The following GRIN3A variants were observed in gnomAD, a reference collection of about 807,000 sequenced individuals.
The protein encoded by GRIN3A is glutamate ionotropic receptor NMDA type subunit 3A, also known as glutamate receptor ionotropic, NMDA 3A.
Under a neutral mutation model 92.4 loss-of-function variants are expected in GRIN3A, and 47 were observed. That is an observed-to-expected ratio of 0.51 (90% CI 0.40 to 0.65). The LOEUF is 0.65. Ranked by LOEUF, GRIN3A falls within the 30% of genes least tolerant of loss-of-function variation. GRIN3A has a pLI of 0.00. For missense variants in GRIN3A, 1,324 were observed against 1,393.1 expected (o/e 0.95, Z 0.79); for synonymous variants, 527 against 540.6 (o/e 0.97, Z 0.35).
rs939236493 is a variant in GRIN3A at position 101,572,233 on chromosome 9, G to T, written c.*941C>A. 1.3e-5 allele frequency: 2 copies of T among 152,626 alleles called. No individual in the cohort carries two copies. Among genetic ancestry groups the T allele is most frequent in the Non-Finnish European group, 2.9e-5 (2 of 68,072 alleles). 9.5% of individuals were successfully genotyped at this position (152,626 alleles called of 1,614,324 possible). A position where few individuals can be genotyped will look rare whatever the true frequency, so the allele number is the denominator to read the frequency against. On this transcript the variant is annotated 3_prime_UTR_variant, in exon 9 of 9. Transcript: ENST00000361820. ...CTGATCTGAAAATGGCCTAGTGTGT[G>T]GTGTGTAGAACATTTCACCCACAGT...
chr9:101,650,212 A>G (rs969794970), intron 3 of GRIN3A, among the ~76,000 whole-genome samples: 2 of 151,952 alleles, frequency 1.3e-5, no homozygotes, highest in African/African-American at 4.8e-5. Flanking sequence ...AACTCTAGAG[A>G]TTAAGTAGGT....
chr9:101,583,778 C>T (rs565419812), intron 6 of GRIN3A, among the ~76,000 whole-genome samples: 1 of 152,260 alleles, frequency 6.6e-6, no homozygotes, highest in Admixed American at 6.5e-5. Flanking sequence ...GCTTCAGCTG[C>T]AGCTTCATTT....
intron 1 of GRIN3A, among the ~76,000 whole-genome samples, chr9:101,691,497 G>A (rs888850584): frequency 3.3e-5 from 5 of 152,094 alleles, no homozygotes; most frequent in African/African-American, 9.7e-5. Flanking sequence ...AGAAAAAAAC[G>A]AGATGTATTT....
chr9:101,587,950 G>T (rs1263988082), intron 6 of GRIN3A, among the ~76,000 whole-genome samples: 1 of 152,094 alleles, frequency 6.6e-6, no homozygotes, highest in African/African-American at 2.4e-5. Context: ...ATTGCCTCCT[G>T]ATTATTTTGC....
In GRIN3A at chr9:101,635,275, G is replaced by T. The variant is rs565136497; in HGVS notation, c.2353-6874C>A. On this transcript the variant is annotated intron_variant, in intron 3 of 8. Coordinates refer to ENST00000361820, the MANE Select transcript of GRIN3A (RefSeq NM_133445.3). Reference sequence around the variant, plus strand: ...GAGGTCAGCAAATTACGGTCTATGGGCCAAATCTAGCCTGCTACCAGTTTT... The same window carrying T: ...GAGGTCAGCAAATTACGGTCTATGGTCCAAATCTAGCCTGCTACCAGTTTT... Among the ~76,000 whole-genome samples, 19 of 152,264 alleles carry T rather than the reference G, an allele frequency of 1.2e-4. No homozygotes were observed. The South Asian group carries it at 3.9e-3, about 32-fold the overall frequency.
At chr9:101,588,294 A>G (rs1296817894) in intron 6 of GRIN3A, among the ~76,000 whole-genome samples, 1 of 152,248 alleles carries the variant, frequency 6.6e-6, no homozygotes, top group African/African-American at 2.4e-5. Context: ...GAGATAATTT[A>G]TTAACACAAA....
At chr9:101,604,837 A>G (rs1237580120) in intron 6 of GRIN3A, among the ~76,000 whole-genome samples, 2 of 152,356 alleles carry the variant, frequency 1.3e-5, no homozygotes, top group South Asian at 4.1e-4. Flanking sequence ...GACTTGTGGG[A>G]TTCCCTTTGG....
At chr9:101,639,389 C>T (rs1278728761) in intron 3 of GRIN3A, among the ~76,000 whole-genome samples, 2 of 151,854 alleles carry the variant, frequency 1.3e-5, no homozygotes, top group Non-Finnish European at 2.9e-5. Context: ...ATCAGAATAA[C>T]CCCGGCTTTT....
rs556800246 is a variant in GRIN3A at position 101,654,771 on chromosome 9, G to A, written c.2352+15289C>T. Among the ~76,000 whole-genome samples, 3 of 151,908 alleles carry A rather than the reference G, an allele frequency of 2.0e-5. No individual in the cohort carries two copies. The South Asian group carries it at 6.2e-4, about 31-fold the overall frequency. ...ATCAAGCCCAGTTTGCCAGGTTTCT[G>A]TTAATATATTTGGGATAATATTCCA... On this transcript the variant is annotated intron_variant, in intron 3 of 8. Transcript: ENST00000361820.
chr9:101,640,764 G>C (rs1236127241), intron 3 of GRIN3A, among the ~76,000 whole-genome samples: 1 of 152,118 alleles, frequency 6.6e-6, no homozygotes, highest in Non-Finnish European at 1.5e-5. Flanking sequence ...TAAAGAGGAG[G>C]TTCCCTGCAC....
At chr9:101,609,444 A>G (rs1828329795) in intron 6 of GRIN3A, among the ~76,000 whole-genome samples, 1 of 152,238 alleles carries the variant, frequency 6.6e-6, no homozygotes. Context: ...ATAGATGAGG[A>G]GACTCAGACG....
At chr9:101,645,294 C>T (rs1042339363) in intron 3 of GRIN3A, among the ~76,000 whole-genome samples, 12 of 151,754 alleles carry the variant, frequency 7.9e-5, no homozygotes, top group African/African-American at 2.9e-4. Flanking sequence ...AAACTAATGA[C>T]CTCCAGTTCC....
chr9:101,607,538 G>A lies in GRIN3A; in HGVS notation c.2766+5838C>T, dbSNP rs79392253. On this transcript the variant is annotated intron_variant, in intron 6 of 8. Transcript: ENST00000361820. ...ACCCGGTTCTTCCACACTGTGCCTTGCACTCCACCCCGTGAGCAGGGAGAA... is the reference window on the plus strand; with the variant it reads ...ACCCGGTTCTTCCACACTGTGCCTTACACTCCACCCCGTGAGCAGGGAGAA... Among the ~76,000 whole-genome samples the A allele has an allele frequency of 5.4e-3, 828 of 152,274 alleles. 6 individuals carry two copies. Among genetic ancestry groups the A allele is most frequent in the African/African-American group, 0.019 (794 of 41,554 alleles).
intron 1 of GRIN3A, among the ~76,000 whole-genome samples, chr9:101,709,555 A>C (rs1452744785): frequency 6.6e-6 from 1 of 152,200 alleles, no homozygotes; most frequent in African/African-American, 2.4e-5. Context: ...GTAGTGATTT[A>C]GAGGAGAGAG....
intron 1 of GRIN3A, among the ~76,000 whole-genome samples, chr9:101,694,675 C>T (rs1480635282): frequency 6.6e-6 from 1 of 152,124 alleles, no homozygotes; most frequent in Non-Finnish European, 1.5e-5. Context: ...CACACAAATA[C>T]AACTTTTGGG....
intron 6 of GRIN3A, among the ~76,000 whole-genome samples, chr9:101,605,890 G>A (rs2118833821): frequency 6.6e-6 from 1 of 152,264 alleles, no homozygotes; most frequent in South Asian, 2.1e-4. Flanking sequence ...AATAACAACG[G>A]AGGAGATCCC....
At chr9:101,677,316 T>C (rs568488998) in intron 2 of GRIN3A, among the ~76,000 whole-genome samples, 1 of 152,224 alleles carries the variant, frequency 6.6e-6, no homozygotes, top group East Asian at 1.9e-4. Flanking sequence ...TGGGTTAATC[T>C]ACAGTTGGCT....
intron 3 of GRIN3A, among the ~76,000 whole-genome samples, chr9:101,653,831 CTATTG>C (rs1347087493): frequency 4.0e-5 from 6 of 151,670 alleles, no homozygotes; most frequent in Admixed American, 3.3e-4. Flanking sequence ...TGCTAAAACT[CTATTG>C]TATGTGTACC....
In GRIN3A at chr9:101,678,699, G is replaced by C. The variant is rs544241836; in HGVS notation, c.1305-7592C>G. ...AGAAGAGAACAATACTAATCTATGTGGTGGGGTCATAATTTAATACATGTC... is the reference window on the plus strand; with the variant it reads ...AGAAGAGAACAATACTAATCTATGTCGTGGGGTCATAATTTAATACATGTC... On this transcript the variant is annotated intron_variant, in intron 2 of 8. Transcript: ENST00000361820. 2.6e-5 allele frequency among the ~76,000 whole-genome samples: 4 copies of C among 152,204 alleles called. No homozygotes were observed. In the South Asian group the frequency reaches 8.3e-4, roughly 32 times the overall value.
Sources: gnomAD v4.1 joint callset for allele counts (sites outside exome capture counted in the v4.1 genomes callset) on GRCh38, gnomAD v4.1.1 for gene constraint, MANE v1.5 for transcripts, NCBI Gene and HGNC (gene_info 2026-07-23, HGNC 2026-07-21) for gene names.